AP2B1: variants seen among roughly 807,000 people sequenced by gnomAD.
AP2B1 encodes the protein adaptor related protein complex 2 subunit beta 1, also known as AP-2 complex subunit beta.
Under a neutral mutation model 102.0 loss-of-function variants are expected in AP2B1, and 23 were observed. That is an observed-to-expected ratio of 0.23 (90% CI 0.16 to 0.32). The LOEUF (loss-of-function observed/expected upper bound fraction) is 0.32, where lower values mean the gene tolerates loss of function less well. Ranked by LOEUF, AP2B1 falls within the 10% of genes least tolerant of loss-of-function variation. The probability of loss-of-function intolerance (pLI) is 1.00; values close to 1 mark genes in which losing one functional copy is unlikely to be tolerated. For missense variants in AP2B1, 541 were observed against 1,157.4 expected (o/e 0.47, Z 7.73); for synonymous variants, 381 against 421.2 (o/e 0.90, Z 1.17).
chr17:35,720,567 ATATATATTTTTT>A (rs1394078684), intron 21 of AP2B1, among the ~76,000 whole-genome samples: 200 of 52,236 alleles, frequency 3.8e-3, no homozygotes, highest in African/African-American at 0.014. Context: ...ATATATATAT[ATATATATTTTTT>A]TTTTTTTTTT....
intron 14 of AP2B1, among the ~76,000 whole-genome samples, chr17:35,665,285 A>C (rs1046935857): frequency 2.0e-5 from 3 of 151,270 alleles, no homozygotes; most frequent in Non-Finnish European, 4.4e-5. Context: ...CCACCACTAC[A>C]CCCAGCTAAA....
At chr17:35,612,130 C>A (rs1030930959) in intron 5 of AP2B1, among the ~76,000 whole-genome samples, 8 of 152,220 alleles carry the variant, frequency 5.3e-5, no homozygotes, top group African/African-American at 1.9e-4. Flanking sequence ...ACCAACTGCT[C>A]TCTGAATAGA....
intron 16 of AP2B1, among the ~76,000 whole-genome samples, chr17:35,673,002 A>G (rs1329660406): frequency 6.6e-6 from 1 of 152,100 alleles, no homozygotes; most frequent in African/African-American, 2.4e-5. Flanking sequence ...TCTCTACCAT[A>G]TTCTTTTGAA....
intron 13 of AP2B1, among the ~76,000 whole-genome samples, chr17:35,655,075 T>G (rs2075183646): frequency 6.6e-6 from 1 of 152,194 alleles, no homozygotes; most frequent in South Asian, 2.1e-4. Flanking sequence ...ATTATATTGT[T>G]TATTAATATT....
At chr17:35,637,269 C>T (rs575746253) in intron 10 of AP2B1, among the ~76,000 whole-genome samples, 7 of 152,286 alleles carry the variant, frequency 4.6e-5, no homozygotes, top group African/African-American at 1.7e-4. Flanking sequence ...ACTGCAACCT[C>T]CGCCTCCCGG....
intron 14 of AP2B1, among the ~76,000 whole-genome samples, chr17:35,665,698 C>T (rs1258165675): frequency 3.3e-5 from 5 of 152,152 alleles, no homozygotes; most frequent in Non-Finnish European, 7.3e-5. Flanking sequence ...AGATTCCCTT[C>T]AATTCAGTAA....
At chr17:35,595,512 A>AC (rs2073239793) in intron 2 of AP2B1, among the ~76,000 whole-genome samples, 1 of 152,092 alleles carries the variant, frequency 6.6e-6, no homozygotes, top group Non-Finnish European at 1.5e-5. Context: ...GTGCCGCTGT[A>AC]CCCCAGCCTA....
intron 3 of AP2B1, chr17:35,600,972 C>A (rs181718341): frequency 8.8e-5 from 87 of 984,700 alleles, no homozygotes; most frequent in Non-Finnish European, 1.0e-4. Flanking sequence ...TGTTATTTTT[C>A]TTTTGTTTGT....
chr17:35,701,234 A>G (rs1312505839), intron 18 of AP2B1, among the ~76,000 whole-genome samples: 1 of 152,130 alleles, frequency 6.6e-6, no homozygotes, highest in Non-Finnish European at 1.5e-5. Flanking sequence ...CATGAGATGC[A>G]CTGTGATATT....
chr17:35,617,567 A>G (rs1175676389), intron 5 of AP2B1, among the ~76,000 whole-genome samples: 2 of 152,222 alleles, frequency 1.3e-5, no homozygotes, highest in Admixed American at 1.3e-4. Context: ...GCTAAATCTA[A>G]GAGTACTACT....
At chr17:35,607,654 C>T (rs2073727046) in intron 4 of AP2B1, among the ~76,000 whole-genome samples, 1 of 152,208 alleles carries the variant, frequency 6.6e-6, no homozygotes, top group Non-Finnish European at 1.5e-5. Context: ...TATTTCAAGC[C>T]CAGACCAGCT....
intron 18 of AP2B1, among the ~76,000 whole-genome samples, chr17:35,685,110 T>G (rs1467026838): frequency 1.3e-5 from 2 of 152,248 alleles, no homozygotes; most frequent in African/African-American, 2.4e-5. Context: ...TTTCCATCTA[T>G]AGTTAACTAC....
chr17:35,647,641 C>T (rs2074971665), intron 12 of AP2B1, among the ~76,000 whole-genome samples: 1 of 151,904 alleles, frequency 6.6e-6, no homozygotes, highest in Non-Finnish European at 1.5e-5. Context: ...ATATGCTTTT[C>T]GTCTTTAACC....
chr17:35,661,538 T>C (rs2142902471), intron 14 of AP2B1, among the ~76,000 whole-genome samples: 1 of 152,320 alleles, frequency 6.6e-6, no homozygotes. Flanking sequence ...CTGAATATTT[T>C]TCTGTTATGA....
intron 18 of AP2B1, among the ~76,000 whole-genome samples, chr17:35,707,333 A>G (rs189027198): frequency 2.7e-3 from 401 of 149,914 alleles, no homozygotes; most frequent in African/African-American, 9.1e-3. Context: ...TTTGTATTTT[A>G]GTAGAGACAG....
intron 11 of AP2B1, among the ~76,000 whole-genome samples, chr17:35,641,455 G>C (rs906329702): frequency 1.3e-5 from 2 of 152,074 alleles, no homozygotes. Context: ...GCTTGCACCT[G>C]TAGTCCCAGC....
intron 17 of AP2B1, among the ~76,000 whole-genome samples, chr17:35,682,255 A>G (rs2075836912): frequency 3.4e-5 from 2 of 58,958 alleles, no homozygotes; most frequent in African/African-American, 2.1e-4. Context: ...ATGAGACCCT[A>G]TCTCCAAAAA....
At chr17:35,588,571 A>G (rs976693824) in intron 1 of AP2B1, 4 of 152,252 alleles carry the variant, frequency 2.6e-5, no homozygotes, top group East Asian at 1.9e-4. Flanking sequence ...GGTGGTCTCA[A>G]TGAGAATCAA....
intron 14 of AP2B1, among the ~76,000 whole-genome samples, chr17:35,666,813 G>A (rs1401163876): frequency 2.0e-5 from 3 of 152,158 alleles, no homozygotes; most frequent in Admixed American, 2.0e-4. Flanking sequence ...TATGGGCTTA[G>A]AGTATGTCCA....
Sources: gnomAD v4.1 joint callset for allele counts (sites outside exome capture counted in the v4.1 genomes callset) on GRCh38, gnomAD v4.1.1 for gene constraint, MANE v1.5 for transcripts, NCBI Gene and HGNC (gene_info 2026-07-23, HGNC 2026-07-21) for gene names.